NARS1: variants seen among roughly 807,000 people sequenced by gnomAD.
The protein encoded by NARS1 is asparagine--tRNA ligase, cytoplasmic.
A neutral mutation model predicts 79.2 loss-of-function variants in NARS1; 65 were observed. The observed-to-expected ratio is 0.82, with a 90% CI of 0.67 to 1.01. The LOEUF (loss-of-function observed/expected upper bound fraction) is 1.01, where lower values mean the gene tolerates loss of function less well. Ranked by LOEUF, NARS1 falls within the 50% of genes least tolerant of loss-of-function variation. NARS1 has a pLI of 0.00. For synonymous variants in NARS1, 229 were observed against 238.8 expected (o/e 0.96, Z 0.38); for missense variants, 649 against 673.8 (o/e 0.96, Z 0.41).
chr18:57,613,652 C>G lies in NARS1; in HGVS notation c.371G>C (p.Arg124Thr), dbSNP rs1280430101. Residue 124 changes from arginine (R) to threonine (T), a missense_variant, in exon 5 of 14, where the codon AGA becomes ACA. Physicochemically the swap from Arg to Thr is moderately conservative, Grantham distance 71. Transcript: ENST00000256854. ...CVKIGALEGY[R>T]GQRVKVFGWV... Reference sequence around the variant, plus strand: ...GCCAAACACCTTTACTCTTTGGCCTCTATATCCTTCTAACGCACCAATCTT... The same window carrying G: ...GCCAAACACCTTTACTCTTTGGCCTGTATATCCTTCTAACGCACCAATCTT... The G allele has an allele frequency of 6.2e-7, 1 of 1,614,142 alleles. No individual in the cohort carries two copies. The highest frequency in any genetic ancestry group is 1.1e-5 in the South Asian group (1 of 91,082).
chr18:57,615,569 T>C, intron 4 of NARS1, 72 bp downstream of exon 4: 1 of 940,018 alleles, frequency 1.1e-6, no homozygotes, highest in Non-Finnish European at 1.7e-6. Context: ...CCATGTGACA[T>C]GCCCCTCATA....
At chr18:57,605,748 A>G (rs1429427751) in intron 11 of NARS1, 109 bp downstream of exon 11, 1 of 724,078 alleles carries the variant, frequency 1.4e-6, no homozygotes, top group Non-Finnish European at 2.3e-6. Context: ...TGCTGTTACC[A>G]TTTATTTGAG....
chr18:57,614,582 G>A, intron 4 of NARS1, among the ~76,000 whole-genome samples: 1 of 152,164 alleles, frequency 6.6e-6, no homozygotes, highest in East Asian at 1.9e-4. Context: ...ATCTATTTGG[G>A]TTCCAGAAAG....
chr18:57,621,793 G>A lies in NARS1; in HGVS notation c.-76C>T, dbSNP rs371234406. 13 of 1,608,902 alleles carry A rather than the reference G, an allele frequency of 8.1e-6. No individual in the cohort carries two copies. The highest frequency in any genetic ancestry group is 6.8e-5 in the East Asian group (3 of 44,312). ...CCGTCTTATGACTCCAACGTGCACCGGCGGTTTCCGCGATTCCGGCGTTGC... is the reference window on the plus strand; with the variant it reads ...CCGTCTTATGACTCCAACGTGCACCAGCGGTTTCCGCGATTCCGGCGTTGC... On this transcript the variant is annotated 5_prime_UTR_variant, in exon 1 of 14. Transcript: ENST00000256854.
At position 57,602,917 on chromosome 18, in the gene NARS1, C is replaced by G. The variant is rs749750434; in HGVS notation, c.1278G>C (p.Leu426=). 4 of 1,613,990 alleles carry G rather than the reference C, an allele frequency of 2.5e-6. No homozygotes were observed. Among genetic ancestry groups the G allele is most frequent in the Admixed American group, 3.3e-5 (2 of 59,998 alleles). ...TTGGTTCATTAATGGTGTCTGTCATCAGTCTCTCAGGAGCTTCTGGGATAT... is the reference window on the plus strand; with the variant it reads ...TTGGTTCATTAATGGTGTCTGTCATGAGTCTCTCAGGAGCTTCTGGGATAT... ...GEDIPEAPER[L]MTDTINEPIL... Residue 426 remains leucine (L), a synonymous_variant, in exon 12 of 14, where the codon CTG becomes CTC. Coordinates refer to ENST00000256854, the MANE Select transcript of NARS1 (RefSeq NM_004539.4).
At chr18:57,614,942 G>A (rs553298422) in intron 4 of NARS1, among the ~76,000 whole-genome samples, 1 of 152,264 alleles carries the variant, frequency 6.6e-6, no homozygotes, top group South Asian at 2.1e-4. Context: ...TTGGGAGGCT[G>A]AGGTGGGAGG....
At position 57,601,526 on chromosome 18, in the gene NARS1, A is replaced by T; in HGVS notation, c.*126T>A. 1.1e-6 allele frequency: 1 copy of T among 900,070 alleles called. No homozygotes were observed. Among genetic ancestry groups the T allele is most frequent in the South Asian group, 2.2e-5 (1 of 44,898 alleles). 55.8% of individuals were successfully genotyped at this position (900,070 alleles called of 1,614,324 possible). On this transcript the variant is annotated 3_prime_UTR_variant, in exon 14 of 14. Coordinates refer to ENST00000256854, the MANE Select transcript of NARS1 (RefSeq NM_004539.4). ...GGTGATTTGAGATAGTTTTTATGGT[A>T]GTAGAAAGAAAAACAGAAAGAGAAA...
At chr18:57,604,323 T>A (rs1599031364) in intron 11 of NARS1, among the ~76,000 whole-genome samples, 1 of 151,988 alleles carries the variant, frequency 6.6e-6, no homozygotes, top group Non-Finnish European at 1.5e-5. Context: ...GAGGCCGAGG[T>A]GAGAGGACTG....
intron 2 of NARS1, among the ~76,000 whole-genome samples, chr18:57,618,485 A>G (rs947245651): frequency 1.3e-5 from 2 of 152,212 alleles, no homozygotes; most frequent in African/African-American, 2.4e-5. Context: ...TAACAGTGAC[A>G]TTCTGTTGTT....
At position 57,620,590 on chromosome 18, in the gene NARS1, T is replaced by C; in HGVS notation, c.72A>G (p.Lys24=). 1 of 1,613,368 alleles carries C rather than the reference T, an allele frequency of 6.2e-7. No individual in the cohort carries two copies. The highest frequency in any genetic ancestry group is 2.2e-5 in the East Asian group (1 of 44,866). ...CTACCTTTAGACCTGTTTTAAATGG[T>C]TTCTCCTTGGTTCCATCTCCCGTGG... is the stretch of plus-strand genomic sequence containing the variant. ...SDATGDGTKE[K]PFKTGLKALM... Residue 24 remains lysine, a synonymous_variant, in exon 2 of 14, where the codon AAA becomes AAG. Coordinates refer to ENST00000256854, the MANE Select transcript of NARS1 (RefSeq NM_004539.4).
intron 11 of NARS1, among the ~76,000 whole-genome samples, chr18:57,605,427 T>A (rs112651633): frequency 0.024 from 3,585 of 151,310 alleles, 142 homozygotes; most frequent in African/African-American, 0.083. Context: ...GCCAACATGG[T>A]GAAACCCTGT....
In NARS1 at chr18:57,621,783, A is replaced by G; in HGVS notation, c.-66T>C. ...AACACCGACGCCGTCTTATGACTCC[A>G]ACGTGCACCGGCGGTTTCCGCGATT... On this transcript the variant is annotated 5_prime_UTR_variant, in exon 1 of 14. Transcript: ENST00000256854. 1 of 1,612,076 alleles carries G rather than the reference A, an allele frequency of 6.2e-7. No homozygotes were observed.
Position 57,607,614 on chromosome 18 carries a change from C to T in NARS1, c.631G>A (p.Ala211Thr). 6.2e-7 allele frequency: 1 copy of T among 1,614,076 alleles called. No homozygotes were observed. The highest frequency in any genetic ancestry group is 8.5e-7 in the Non-Finnish European group (1 of 1,180,016). The change falls in exon 8 of 14, where the codon GCC (alanine) becomes ACC (threonine). Residue 211 changes from alanine to threonine, a missense_variant. Coordinates refer to ENST00000256854, the MANE Select transcript of NARS1 (RefSeq NM_004539.4). ...AGGTTGTCAGCTCCTCCAGCAGGGGCCAACCCAATTAGTTCCCAGAAGTCA... is the reference window on the plus strand; with the variant it reads ...AGGTTGTCAGCTCCTCCAGCAGGGGTCAACCCAATTAGTTCCCAGAAGTCA... ...SCDFWELIGL[A>T]PAGGADNLIN...
chr18:57,602,376 G>C lies in NARS1; in HGVS notation c.1494C>G (p.Pro498=), dbSNP rs2122417740. The change falls in exon 13 of 14, where the codon CCC becomes CCG. Residue 498 remains proline (P), a synonymous_variant. Coordinates refer to ENST00000256854, the MANE Select transcript of NARS1 (RefSeq NM_004539.4). ...TTACCTGATCCGTATACCAGTAATA[G>C]GGAGTGGGGTCAATCCCTTCCCTTT... The part of the protein sequence containing the change: ...GYKREGIDPT[P]YYWYTDQRKY... 6.2e-7 allele frequency: 1 copy of C among 1,613,832 alleles called. No homozygotes were observed. The highest frequency in any genetic ancestry group is 2.2e-5 in the East Asian group (1 of 44,860).
intron 11 of NARS1, among the ~76,000 whole-genome samples, chr18:57,605,265 C>T (rs777178927): frequency 2.6e-4 from 40 of 151,476 alleles, no homozygotes; most frequent in Non-Finnish European, 5.4e-4. Flanking sequence ...CAAGGAAGAA[C>T]AATGAAGGAA....
In NARS1 at chr18:57,601,513, T is replaced by C. The variant is rs746398673; in HGVS notation, c.*139A>G. 27 of 785,994 alleles carry C rather than the reference T, an allele frequency of 3.4e-5. No individual in the cohort carries two copies. The highest frequency in any genetic ancestry group is 4.3e-5 in the Non-Finnish European group (23 of 531,194). The allele number at this position is 785,994 out of a possible 1,614,324, so 48.7% of individuals were successfully genotyped here. ...CACTTGATGTTCAGGTGATTTGAGATAGTTTTTATGGTAGTAGAAAGAAAA... is the reference window on the plus strand; with the variant it reads ...CACTTGATGTTCAGGTGATTTGAGACAGTTTTTATGGTAGTAGAAAGAAAA... On this transcript the variant is annotated 3_prime_UTR_variant, in exon 14 of 14. Transcript: ENST00000256854.
At chr18:57,619,446 T>G (rs1303791153) in intron 2 of NARS1, among the ~76,000 whole-genome samples, 1 of 151,370 alleles carries the variant, frequency 6.6e-6, no homozygotes, top group African/African-American at 2.4e-5. Flanking sequence ...GCCCAGGCTG[T>G]TCTCAAACTC....
chr18:57,614,044 C>A (rs1300656294), intron 4 of NARS1, among the ~76,000 whole-genome samples: 1 of 152,204 alleles, frequency 6.6e-6, no homozygotes, highest in Non-Finnish European at 1.5e-5. Context: ...CATGACCCCA[C>A]AGTTCTTCAA....
intron 11 of NARS1, among the ~76,000 whole-genome samples, chr18:57,604,168 T>C (rs1457717064): frequency 6.6e-6 from 1 of 152,240 alleles, no homozygotes; most frequent in Non-Finnish European, 1.5e-5. Flanking sequence ...GCTTGTGTTC[T>C]TTCCACTCAA....
Sources: gnomAD v4.1 joint callset for allele counts (sites outside exome capture counted in the v4.1 genomes callset) on GRCh38, gnomAD v4.1.1 for gene constraint, MANE v1.5 for transcripts, NCBI Gene and HGNC (gene_info 2026-07-23, HGNC 2026-07-21) for gene names.